Variants in FUT8 observed in about 807,000 individuals in gnomAD.
FUT8 encodes the protein fucosyltransferase 8, also known as alpha-(1,6)-fucosyltransferase.
In FUT8, 29 loss-of-function variants were observed where a neutral mutation model predicts 71.3. The ratio of observed to expected loss-of-function variants is 0.41; its 90% CI spans 0.30 to 0.55. FUT8 has a LOEUF of 0.55. Among genes scored for constraint, FUT8 ranks in the 20% least tolerant of loss-of-function variants. The pLI is 0.34. For missense variants in FUT8, 544 were observed against 702.1 expected (o/e 0.77, Z 2.55); for synonymous variants, 254 against 239.3 (o/e 1.06, Z -0.57).
At position 65,435,798 on chromosome 14, in the gene FUT8, T is replaced by C. The variant is rs570011333; in HGVS notation, c.-325-19823T>C. On this transcript the variant is annotated intron_variant, in intron 1 of 10. Coordinates refer to ENST00000673929, the MANE Select transcript of FUT8 (RefSeq NM_001371533.1). ...AGTATCTGTTCCTTTTTCTTTCTTT[T>C]TTTTTTTTTTAATTTTAGCTCTTAT... 7.1e-3 allele frequency among the ~76,000 whole-genome samples: 1,073 copies of C among 151,972 alleles called. 6 individuals carry two copies. The highest frequency in any genetic ancestry group is 0.012 in the Non-Finnish European group (793 of 67,942).
At chr14:65,708,890 T>C (rs973355613) in intron 7 of FUT8, among the ~76,000 whole-genome samples, 2 of 152,106 alleles carry the variant, frequency 1.3e-5, no homozygotes, top group Non-Finnish European at 2.9e-5. Flanking sequence ...GATGAAAGGG[T>C]ACAAAGTTTC....
intron 1 of FUT8, among the ~76,000 whole-genome samples, chr14:65,446,396 G>A (rs1475115225): frequency 6.6e-6 from 1 of 152,188 alleles, no homozygotes. Flanking sequence ...GCACTTGGCT[G>A]TTTGGATGAC....
At chr14:65,404,281 C>T in the FUT8 span, among the ~76,000 whole-genome samples, 1 of 151,966 alleles carries the variant, frequency 6.6e-6, no homozygotes, top group African/African-American at 2.4e-5. Flanking sequence ...AAATGATTCT[C>T]CTGTCTCAGC....
rs572708509 is a variant in FUT8, at chr14:65,634,928, G to A, written c.597+5322G>A. 1.8e-4 allele frequency among the ~76,000 whole-genome samples: 28 copies of A among 152,262 alleles called. No individual in the cohort carries two copies. In the East Asian group the frequency reaches 4.8e-3, roughly 26 times the overall value. Reference sequence around the variant, plus strand: ...TTTGTAGATTGCATTTGGCAGTATGGTCATTTTCACAATGTTGATTCTGCC... The same window carrying A: ...TTTGTAGATTGCATTTGGCAGTATGATCATTTTCACAATGTTGATTCTGCC... On this transcript the variant is annotated intron_variant, in intron 6 of 10. Transcript: ENST00000673929.
At chr14:65,424,129 A>T (rs2065345946) in intron 1 of FUT8, among the ~76,000 whole-genome samples, 1 of 152,232 alleles carries the variant, frequency 6.6e-6, no homozygotes, top group South Asian at 2.1e-4. Flanking sequence ...AAACATAATG[A>T]AACCGCGAGA....
intron 1 of FUT8, among the ~76,000 whole-genome samples, chr14:65,415,471 G>C (rs916891396): frequency 1.3e-5 from 2 of 152,240 alleles, no homozygotes; most frequent in Non-Finnish European, 2.9e-5. Flanking sequence ...CTTAGAGTAT[G>C]TTATAGTATT....
chr14:65,376,711 TCA>T, the FUT8 span, among the ~76,000 whole-genome samples: 11 of 152,288 alleles, frequency 7.2e-5, no homozygotes, highest in African/African-American at 2.4e-4. Flanking sequence ...TGTGCCCTGC[TCA>T]CAGTTATTAA....
intron 7 of FUT8, among the ~76,000 whole-genome samples, chr14:65,692,068 C>A (rs1337082611): frequency 1.3e-5 from 2 of 152,042 alleles, no homozygotes; most frequent in Non-Finnish European, 2.9e-5. Context: ...CCTTTCTATT[C>A]CACAAAACCG....
intron 2 of FUT8, among the ~76,000 whole-genome samples, chr14:65,507,982 G>A (rs377208791): frequency 6.6e-5 from 10 of 151,794 alleles, no homozygotes; most frequent in Non-Finnish European, 1.3e-4. Context: ...CTTGTCTTTC[G>A]GATAAAAGCC....
At chr14:65,547,292 T>G (rs1024395339) in intron 2 of FUT8, among the ~76,000 whole-genome samples, 2 of 151,722 alleles carry the variant, frequency 1.3e-5, no homozygotes, top group Non-Finnish European at 3.0e-5. Flanking sequence ...CACCAAACTT[T>G]CAAATACTTT....
intron 10 of FUT8, among the ~76,000 whole-genome samples, chr14:65,736,492 A>G (rs1221311499): frequency 1.3e-5 from 2 of 151,658 alleles, no homozygotes; most frequent in African/African-American, 2.4e-5. Context: ...AGCATGTACA[A>G]TTTCTCTGGG....
At chr14:65,503,652 G>C (rs1009465) in intron 2 of FUT8, among the ~76,000 whole-genome samples, 125,671 of 152,184 alleles carry the variant, frequency 0.83, 52,160 homozygotes, top group East Asian at 1. Context: ...TTCCCTCCCT[G>C]CCTTCCTGGA....
At chr14:65,423,812 C>A (rs1284745594) in intron 1 of FUT8, among the ~76,000 whole-genome samples, 1 of 152,210 alleles carries the variant, frequency 6.6e-6, no homozygotes, top group Non-Finnish European at 1.5e-5. Flanking sequence ...TATAGCAATC[C>A]TGTACCCCTA....
rs34255715 is a variant in FUT8 at position 65,431,162 on chromosome 14, A to ATT, written c.-326+17964_-326+17965dup. On this transcript the variant is annotated intron_variant, in intron 1 of 10. Coordinates refer to ENST00000673929, the MANE Select transcript of FUT8 (RefSeq NM_001371533.1). ...AGGCATGCGCCACTATACCCGGCTA[A>ATT]TTTTTTTTTTTTTTTTTAAAGTAGA... Among the ~76,000 whole-genome samples, 116 of 127,482 alleles carry ATT rather than the reference A, an allele frequency of 9.1e-4. 1 individual carries two copies. The highest frequency in any genetic ancestry group is 9.2e-3 in the Middle Eastern group (2 of 218). 83.6% of individuals were successfully genotyped at this position (127,482 alleles called of 152,430 possible). A position where few individuals can be genotyped will look rare whatever the true frequency, so the allele number is the denominator to read the frequency against.
chr14:65,673,321 A>C (rs1892561562), intron 7 of FUT8, among the ~76,000 whole-genome samples: 1 of 152,206 alleles, frequency 6.6e-6, no homozygotes, highest in Admixed American at 6.5e-5. Context: ...CAATTAAAGT[A>C]TTTGCTATTT....
intron 2 of FUT8, among the ~76,000 whole-genome samples, chr14:65,464,259 G>GT (rs3084724): frequency 0.095 from 11,112 of 116,494 alleles, 1,106 homozygotes; most frequent in African/African-American, 0.23. Flanking sequence ...AGTACTTTGG[G>GT]TTTTTTTTTT....
chr14:65,470,397 T>A (rs2066124272), intron 2 of FUT8, among the ~76,000 whole-genome samples: 1 of 152,116 alleles, frequency 6.6e-6, no homozygotes, highest in African/African-American at 2.4e-5. Flanking sequence ...CATGGAGGCC[T>A]GGGTCTACCA....
At chr14:65,374,178 T>C in the FUT8 span, among the ~76,000 whole-genome samples, 138 of 150,308 alleles carry the variant, frequency 9.2e-4, 2 homozygotes, top group East Asian at 0.023. Flanking sequence ...TAATGCTCTG[T>C]TTGTCTTTGT....
chr14:65,382,380 A>G, the FUT8 span, among the ~76,000 whole-genome samples: 1 of 152,156 alleles, frequency 6.6e-6, no homozygotes, highest in South Asian at 2.1e-4. Flanking sequence ...TCTATCACCC[A>G]GGCTGGAGTG....
Sources: gnomAD v4.1 joint callset for allele counts (sites outside exome capture counted in the v4.1 genomes callset) on GRCh38, gnomAD v4.1.1 for gene constraint, MANE v1.5 for transcripts, NCBI Gene and HGNC (gene_info 2026-07-23, HGNC 2026-07-21) for gene names.